DUOX1: variants seen among roughly 807,000 people sequenced by gnomAD.
DUOX1 encodes NADPH thyroid oxidase 1.
Under a neutral mutation model 181.8 loss-of-function variants are expected in DUOX1, and 134 were observed. The observed-to-expected ratio is 0.74, with a 90% CI of 0.64 to 0.85. The LOEUF is 0.85. Ranked by LOEUF, DUOX1 falls within the 40% of genes least tolerant of loss-of-function variation. The pLI is 0.00. For missense variants in DUOX1, 1,814 were observed against 2,064.4 expected, an observed-to-expected ratio of 0.88 and a Z score of 2.35; for synonymous variants, 798 against 832.5, an observed-to-expected ratio of 0.96 and a Z score of 0.71.
In DUOX1 at chr15:45,154,150, G is replaced by A. The variant is rs114572469; in HGVS notation, c.3574+150G>A. On this transcript the variant is annotated intron_variant, in intron 27 of 33. Transcript: ENST00000389037. ...TCTGGCCTGAGGACACTACTGGGTG[G>A]GCAGGAGACTTAGACTACTCTGCAT... 158 of 727,932 alleles carry A rather than the reference G, an allele frequency of 2.2e-4. No homozygotes were observed. In the African/African-American group the frequency reaches 2.5e-3, roughly 12 times the overall value. 45.1% of individuals were successfully genotyped at this position (727,932 alleles called of 1,614,324 possible). A position where few individuals can be genotyped will look rare whatever the true frequency, so the allele number is the denominator to read the frequency against.
chr15:45,132,121 A>G (rs1329557468), intron 2 of DUOX1, 97 bp downstream of exon 2: 1 of 1,117,192 alleles, frequency 9.0e-7, no homozygotes, highest in East Asian at 2.5e-5. Flanking sequence ...ATTCATCTGT[A>G]TCTTTAGTCT....
At chr15:45,144,771 A>T in intron 17 of DUOX1, 124 bp from the exon 18 acceptor site, 1 of 1,050,508 alleles carries the variant, frequency 9.5e-7, no homozygotes, top group Non-Finnish European at 1.4e-6. Flanking sequence ...CCTCTTCTGT[A>T]AAAGGAGAAA....
chr15:45,140,206 G>A (rs1375635755), intron 12 of DUOX1, among the ~76,000 whole-genome samples: 1 of 152,212 alleles, frequency 6.6e-6, no homozygotes, highest in Non-Finnish European at 1.5e-5. Flanking sequence ...TTCTACAGTT[G>A]TGTGCCTATT....
At chr15:45,136,490 G>A (rs747850481) in intron 8 of DUOX1, 39 bp from the exon 9 acceptor site, 2 of 1,614,016 alleles carry the variant, frequency 1.2e-6, no homozygotes, top group Non-Finnish European at 1.7e-6. Context: ...GGGATTTTAG[G>A]GCTAAATTCT....
chr15:45,131,639 T>C (rs1567005474), intron 1 of DUOX1: 1 of 342,862 alleles, frequency 2.9e-6, no homozygotes, highest in Non-Finnish European at 5.4e-6. Flanking sequence ...TTCCAACTAA[T>C]CTTAGAAGGT....
At chr15:45,155,117 A>G (rs149163759) in intron 27 of DUOX1, among the ~76,000 whole-genome samples, 1 of 152,392 alleles carries the variant, frequency 6.6e-6, no homozygotes, top group Non-Finnish European at 1.5e-5. Context: ...CACCCTCTGC[A>G]TCCATTCATT....
chr15:45,151,843 G>A (rs756361597), intron 23 of DUOX1, 31 bp from the exon 24 acceptor site: 12 of 1,593,240 alleles, frequency 7.5e-6, no homozygotes, highest in Non-Finnish European at 1.0e-5. Context: ...CCCATGGTGG[G>A]TGCCAAAGGC....
At chr15:45,155,711 C>T in intron 27 of DUOX1, 91 bp from the exon 28 acceptor site, 1 of 1,571,340 alleles carries the variant, frequency 6.4e-7, no homozygotes, top group East Asian at 2.3e-5. Flanking sequence ...CCAACTTGGG[C>T]AGTGGAGTGG....
At chr15:45,141,922 T>A in intron 14 of DUOX1, 53 bp from the exon 15 acceptor site, 3 of 1,570,598 alleles carry the variant, frequency 1.9e-6, no homozygotes, top group Non-Finnish European at 2.6e-6. Context: ...CGTGATCCTG[T>A]GCCAGCACCT....
At chr15:45,158,594 C>A (rs192487366) in intron 28 of DUOX1, among the ~76,000 whole-genome samples, 2 of 148,392 alleles carry the variant, frequency 1.3e-5, no homozygotes, top group Non-Finnish European at 3.0e-5. Context: ...CCCAGCTACT[C>A]GGGAGGCTGA....
rs539830670 is a variant in DUOX1, at chr15:45,151,836, A to G, written c.3015-38A>G. On this transcript the variant is annotated intron_variant, in intron 23 of 33. Coordinates refer to ENST00000389037, the MANE Select transcript of DUOX1 (RefSeq NM_175940.3). The stretch of plus-strand genomic sequence containing the variant: ...TGGGGCCCCACTAGCGTTGGGTCCC[A>G]TGGTGGGTGCCAAAGGCTAAGGCTT... 2.5e-5 allele frequency: 40 copies of G among 1,587,900 alleles called. No homozygotes were observed. In the South Asian group the frequency reaches 4.4e-4, roughly 17 times the overall value.
rs780626098 is a variant in DUOX1, at chr15:45,143,304, G to C, written c.1936+1G>C. ...GAGAAGCTCGTGGGAGGCATGGAAGGTAGGTCTAGGGCTGGCCAGGGTGGT... is the reference window on the plus strand; with the variant it reads ...GAGAAGCTCGTGGGAGGCATGGAAGCTAGGTCTAGGGCTGGCCAGGGTGGT... On this transcript the variant is annotated splice_donor_variant, in intron 16 of 33. Transcript: ENST00000389037. LOFTEE classifies it high-confidence loss of function. 1 of 1,613,284 alleles carries C rather than the reference G, an allele frequency of 6.2e-7. No homozygotes were observed. Among genetic ancestry groups the C allele is most frequent in the Admixed American group, 1.7e-5 (1 of 60,012 alleles).
chr15:45,149,453 T>C (rs1325058200), intron 21 of DUOX1, among the ~76,000 whole-genome samples: 2 of 152,170 alleles, frequency 1.3e-5, no homozygotes, highest in Non-Finnish European at 2.9e-5. Context: ...GGGTGGAGGG[T>C]AAAACCAGGC....
Position 45,160,833 on chromosome 15 carries a change from C to T in DUOX1, c.3703-4C>T. ...GTCTGAGCAGAGCTCTTTCCTCCAT[C>T]TAGCTCATCATCCATGGTAGCTTTG... On this transcript the variant is annotated splice_region_variant and splice_polypyrimidine_tract_variant and intron_variant, in intron 28 of 33. Coordinates refer to ENST00000389037, the MANE Select transcript of DUOX1 (RefSeq NM_175940.3). 6.3e-7 allele frequency: 1 copy of T among 1,599,530 alleles called. No homozygotes were observed. The highest frequency in any genetic ancestry group is 1.1e-5 in the South Asian group (1 of 87,658).
At chr15:45,142,233 A>T in intron 15 of DUOX1, 121 bp downstream of exon 15, 2 of 1,162,930 alleles carry the variant, frequency 1.7e-6, no homozygotes, top group Non-Finnish European at 2.4e-6. Flanking sequence ...TTTGGGTAGG[A>T]GAATGAAACA....
In DUOX1 at chr15:45,158,448, C is replaced by T. The variant is rs188409176; in HGVS notation, c.3703-2389C>T. ...TGTTGGCCGAGTGCAGTGGCTCGCA[C>T]CTGTAATCCCAGCATTTTGGGAGGC... On this transcript the variant is annotated intron_variant, in intron 28 of 33. Transcript: ENST00000389037. Among the ~76,000 whole-genome samples, 99 of 152,124 alleles carry T rather than the reference C, an allele frequency of 6.5e-4. 1 individual carries two copies. The Middle Eastern group carries it at 0.01, about 16-fold the overall frequency.
intron 27 of DUOX1, 168 bp from the exon 28 acceptor site, chr15:45,155,634 T>C (rs1896952240): frequency 3.6e-6 from 3 of 822,858 alleles, no homozygotes; most frequent in Non-Finnish European, 5.6e-6. Flanking sequence ...TCTGCTGAAA[T>C]GAAAGGTACC....
rs151144648 is a variant in DUOX1, at chr15:45,153,439, G to A, written c.3484G>A (p.Val1162Ile). The A allele has an allele frequency of 3.1e-5, 50 of 1,613,590 alleles. No individual in the cohort carries two copies. Among genetic ancestry groups the A allele is most frequent in the Admixed American group, 1.3e-4 (8 of 59,954 alleles). ...VYLFSISPLS[V>I]LSCLFPGLFH... is the part of the protein sequence containing the mutation. The stretch of plus-strand genomic sequence containing the variant: ...CCTGTTCTCCATCAGCCCCCTCAGC[G>A]TCCTCTCTTGCCTCTTTCCTGGCCT... Residue 1162 changes from valine (V) to isoleucine (I), a missense_variant, in exon 26 of 34, where the codon GTC (valine) becomes ATC (isoleucine). Coordinates refer to ENST00000389037, the MANE Select transcript of DUOX1 (RefSeq NM_175940.3).
chr15:45,140,804 T>C (rs1896469297), intron 12 of DUOX1, 91 bp from the exon 13 acceptor site: 1 of 1,271,348 alleles, frequency 7.9e-7, no homozygotes, highest in Non-Finnish European at 1.1e-6. Flanking sequence ...TTTATTATTA[T>C]CATCCCTGGG....
Sources: allele counts gnomAD v4.1 joint callset (sites outside exome capture counted in the v4.1 genomes callset), GRCh38; gene constraint gnomAD v4.1.1; transcripts MANE v1.5; gene names NCBI Gene and HGNC (gene_info 2026-07-23, HGNC 2026-07-21).